INPP5J: variants seen among roughly 807,000 people sequenced by gnomAD.
The protein encoded by INPP5J is inositol polyphosphate-5-phosphatase J, also known as phosphatidylinositol 4,5-bisphosphate 5-phosphatase A.
Under a neutral mutation model 86.6 loss-of-function variants are expected in INPP5J, and 75 were observed. That is an observed-to-expected ratio of 0.87 (90% CI 0.72 to 1.05). The LOEUF (loss-of-function observed/expected upper bound fraction) is 1.05. Among genes scored for constraint, INPP5J ranks in the 50% least tolerant of loss-of-function variants. INPP5J has a pLI of 0.00. For synonymous variants in INPP5J, 540 were observed against 550.0 expected, an observed-to-expected ratio of 0.98 and a Z score of 0.25; for missense variants, 1,229 against 1,341.2, an observed-to-expected ratio of 0.92 and a Z score of 1.31.
Position 31,125,677 on chromosome 22 carries a change from C to A in INPP5J, c.938C>A (p.Ser313Ter). The A allele has an allele frequency of 2.6e-6, 4 of 1,550,730 alleles. No individual in the cohort carries two copies. Among genetic ancestry groups the A allele is most frequent in the Non-Finnish European group, 3.5e-6 (4 of 1,146,920 alleles). The change falls in exon 2 of 13, where the codon TCA (serine) becomes TAA (stop). Residue 313 changes from serine to a stop codon, truncating the protein, a stop_gained. Transcript: ENST00000331075. LOFTEE classifies it high-confidence loss of function. ...TLPLDVGQGP[S>*]EPGTHSPGLL... is the part of the protein sequence containing the mutation. Reference sequence around the variant, plus strand: ...CCCTTGGATGTGGGCCAGGGTCCTTCAGAGCCTGGCACTCACTCCCCTGGA... The same window carrying A: ...CCCTTGGATGTGGGCCAGGGTCCTTAAGAGCCTGGCACTCACTCCCCTGGA...
Position 31,126,413 on chromosome 22 carries a change from C to A in INPP5J, c.1309C>A (p.Pro437Thr). 2 of 1,613,676 alleles carry A rather than the reference C, an allele frequency of 1.2e-6. No homozygotes were observed. The highest frequency in any genetic ancestry group is 1.7e-6 in the Non-Finnish European group (2 of 1,179,802). Residue 437 changes from proline to threonine, a missense_variant, in exon 3 of 13, where the codon CCC becomes ACC. Transcript: ENST00000331075. Reference protein sequence around the residue: ...VVTWNVGTAMPPDDVTSLLHL... With the variant: ...VVTWNVGTAMTPDDVTSLLHL... ...CACATGGAACGTGGGCACTGCCATG[C>A]CCCCAGACGATGTCACATCCCTCCT...
intron 9 of INPP5J, among the ~76,000 whole-genome samples, chr22:31,131,557 T>A (rs1363609051): frequency 2.7e-5 from 4 of 149,114 alleles, no homozygotes; most frequent in Non-Finnish European, 3.0e-5. Flanking sequence ...AGCGAGACTC[T>A]GTCTCAAAAA....
chr22:31,126,994 A>G lies in INPP5J; in HGVS notation c.1568A>G (p.Asp523Gly), dbSNP rs1921536036. 6.2e-7 allele frequency: 1 copy of G among 1,609,396 alleles called. No individual in the cohort carries two copies. Residue 523 changes from aspartate to glycine, a missense_variant, in exon 5 of 13, where the codon GAC becomes GGC. Transcript: ENST00000331075. ...TACTACCACCTGCCCTTCCTGCGAG[A>G]CGTGCAGACCGACTGCACGCGCACT... ...AKYYHLPFLRDVQTDCTRTGL... is the reference protein window; with the variant it reads ...AKYYHLPFLRGVQTDCTRTGL...
rs764992533 is a variant in INPP5J, at chr22:31,134,161, C to T, written c.2763C>T (p.Ser921=). The T allele has an allele frequency of 5.2e-6, 8 of 1,549,344 alleles. No homozygotes were observed. Among genetic ancestry groups the T allele is most frequent in the Middle Eastern group, 1.7e-4 (1 of 5,920 alleles). ...RSPSPQSRRL[S]RVAPDRSSNG... The stretch of plus-strand genomic sequence containing the variant: ...CCTCACCCCAGAGCCGCCGCCTGTC[C>T]CGAGTGGCTCCTGACAGGAGCAGTA... The change falls in exon 13 of 13, where the codon TCC becomes TCT. Residue 921 remains serine, a synonymous_variant. Coordinates refer to ENST00000331075, the MANE Select transcript of INPP5J (RefSeq NM_001284285.2).
chr22:31,127,699 C>T (rs1007668297), intron 6 of INPP5J, 167 bp downstream of exon 6: 15 of 791,780 alleles, frequency 1.9e-5, no homozygotes, highest in Non-Finnish European at 2.8e-5. Context: ...TGGGGAGGGG[C>T]GGAGCTTGTA....
At position 31,127,933 on chromosome 22, in the gene INPP5J, AT is replaced by A; in HGVS notation, c.1788-17del. On this transcript the variant is annotated splice_polypyrimidine_tract_variant and intron_variant, in intron 6 of 12. Coordinates refer to ENST00000331075, the MANE Select transcript of INPP5J (RefSeq NM_001284285.2). ...CCCCACTGCCCCCCACATCTCTCCC[AT>A]CCCCCACCCCAAACAGCCTCGTGTT... 1.2e-6 allele frequency: 1 copy of A among 813,180 alleles called. No homozygotes were observed. The highest frequency in any genetic ancestry group is 1.7e-6 in the Non-Finnish European group (1 of 591,344). 50.4% of individuals were successfully genotyped at this position (813,180 alleles called of 1,614,324 possible). A position where few individuals can be genotyped will look rare whatever the true frequency, so the allele number is the denominator to read the frequency against.
At chr22:31,133,371 G>A (rs756601541) in intron 10 of INPP5J, 35 bp from the exon 11 acceptor site, 5 of 1,610,312 alleles carry the variant, frequency 3.1e-6, no homozygotes, top group African/African-American at 2.7e-5. Flanking sequence ...ACATTATAGG[G>A]TCACAACACT....
intron 7 of INPP5J, 68 bp downstream of exon 7, chr22:31,128,130 C>A: frequency 6.9e-7 from 1 of 1,452,136 alleles, no homozygotes; most frequent in South Asian, 1.2e-5. Flanking sequence ...AGACTATGGT[C>A]CCTGTCCTCA....
Position 31,133,925 on chromosome 22 carries a change from T to G in INPP5J, c.2527T>G (p.Ser843Ala), listed in dbSNP as rs1246863949. 3 of 1,610,884 alleles carry G rather than the reference T, an allele frequency of 1.9e-6. No individual in the cohort carries two copies. The highest frequency in any genetic ancestry group is 1.3e-5 in the African/African-American group (1 of 74,860). ...GCATTTCCCCCAGATCTCGCTGCCT[T>G]CCTCGGAGTTGGCCAGCAGCAGCAC... is the stretch of plus-strand genomic sequence containing the variant. Reference protein sequence around the residue: ...ITEPFQISLPSSELASSSTDS... With the variant: ...ITEPFQISLPASELASSSTDS... The change falls in exon 13 of 13, where the codon TCC (serine) becomes GCC (alanine). Residue 843 changes from serine (S) to alanine (A), a missense_variant. Physicochemically the swap from Ser to Ala is moderately conservative, Grantham distance 99 (BLOSUM62 1). Transcript: ENST00000331075.
intron 9 of INPP5J, among the ~76,000 whole-genome samples, chr22:31,131,440 G>A (rs956859587): frequency 2.0e-5 from 3 of 152,064 alleles, no homozygotes; most frequent in African/African-American, 4.8e-5. Context: ...GTGCGCACCT[G>A]TAGTCCTAGC....
chr22:31,124,257 G>A, intron 1 of INPP5J: 3 of 986,124 alleles, frequency 3.0e-6, no homozygotes, highest in Non-Finnish European at 3.6e-6. Context: ...TGGAGCTCTG[G>A]GAATGGGTAA....
intron 7 of INPP5J, 65 bp from the exon 8 acceptor site, chr22:31,128,149 A>G: frequency 7.1e-7 from 1 of 1,414,088 alleles, no homozygotes; most frequent in Non-Finnish European, 9.8e-7. Flanking sequence ...CACCTGCCCC[A>G]CCCCCTCCCT....
rs1284671605 is a variant in INPP5J at position 31,125,440 on chromosome 22, CA to C, written c.702del (p.Ala235LeufsTer150). The C allele has an allele frequency of 1.9e-6, 3 of 1,550,572 alleles. No homozygotes were observed. The highest frequency in any genetic ancestry group is 2.6e-6 in the Non-Finnish European group (3 of 1,147,000). On this transcript the variant is annotated frameshift_variant, in exon 2 of 13. Transcript: ENST00000331075. LOFTEE classifies it high-confidence loss of function. ...ASGAASVGQTSARKRDAPAPR... is the reference protein window; with the variant it reads ...ASGAASVGQTXARKRDAPAPR... ...GGCGCAGCCTCTGTGGGACAGACATCAGCTAGAAAGAGGGATGCCCCAGCCC... is the reference window on the plus strand; with the variant it reads ...GGCGCAGCCTCTGTGGGACAGACATCGCTAGAAAGAGGGATGCCCCAGCCC...
intron 9 of INPP5J, 49 bp from the exon 10 acceptor site, chr22:31,133,049 T>C: frequency 6.5e-7 from 1 of 1,550,186 alleles, no homozygotes; most frequent in Non-Finnish European, 8.7e-7. Context: ...TGTGGGATAC[T>C]AGAGGGTCTC....
intron 1 of INPP5J, chr22:31,124,160 T>C: frequency 1.7e-6 from 1 of 584,974 alleles, no homozygotes; most frequent in Non-Finnish European, 2.2e-6. Flanking sequence ...ACTGAGGCGC[T>C]GGGCAGAGAG....
At chr22:31,130,794 G>A (rs1455640579) in intron 9 of INPP5J, among the ~76,000 whole-genome samples, 1 of 152,184 alleles carries the variant, frequency 6.6e-6, no homozygotes, top group African/African-American at 2.4e-5. Flanking sequence ...ATTGTATTTA[G>A]GATTGAGGTT....
chr22:31,123,399 G>T (rs184064415), intron 1 of INPP5J, among the ~76,000 whole-genome samples: 41 of 152,224 alleles, frequency 2.7e-4, no homozygotes, highest in African/African-American at 7.7e-4. Context: ...GTGTGACCTT[G>T]GCCAAGTTGC....
chr22:31,126,012 T>C lies in INPP5J; in HGVS notation c.1271+2T>C, dbSNP rs764637723. The C allele has an allele frequency of 6.4e-7, 1 of 1,557,728 alleles. No individual in the cohort carries two copies. The highest frequency in any genetic ancestry group is 1.8e-5 in the Admixed American group (1 of 55,342). ...CTGGAAGAGCGACCCCGGCTTCCGG[T>C]GAGGGGGCCCTCTCCCAAGAAAGGT... On this transcript the variant is annotated splice_donor_variant, in intron 2 of 12. Coordinates refer to ENST00000331075, the MANE Select transcript of INPP5J (RefSeq NM_001284285.2). LOFTEE classifies it high-confidence loss of function.
rs759468573 is a variant in INPP5J, at chr22:31,126,402, G to A, written c.1298G>A (p.Gly433Asp). 1 of 1,613,588 alleles carries A rather than the reference G, an allele frequency of 6.2e-7. No homozygotes were observed. The highest frequency in any genetic ancestry group is 1.3e-5 in the African/African-American group (1 of 74,900). The change falls in exon 3 of 13, where the codon GGC becomes GAC. Residue 433 changes from glycine to aspartate, a missense_variant. By Grantham distance (94) the Gly-to-Asp change is moderately conservative (BLOSUM62 -1). Transcript: ENST00000331075. The stretch of plus-strand genomic sequence containing the variant: ...ATCACTGTGGTCACATGGAACGTGG[G>A]CACTGCCATGCCCCCAGACGATGTC... ...FRITVVTWNV[G>D]TAMPPDDVTS...
Sources: gnomAD v4.1 joint callset for allele counts (sites outside exome capture counted in the v4.1 genomes callset) on GRCh38, gnomAD v4.1.1 for gene constraint, MANE v1.5 for transcripts, NCBI Gene and HGNC (gene_info 2026-07-23, HGNC 2026-07-21) for gene names.